The following GRM3 variants were observed in gnomAD, a reference collection of about 807,000 sequenced individuals.
GRM3 encodes metabotropic glutamate receptor 3.
A neutral mutation model predicts 70.5 loss-of-function variants in GRM3; 26 were observed. The observed-to-expected ratio is 0.37, with a 90% CI of 0.27 to 0.51. The LOEUF is 0.51. Among genes scored for constraint, GRM3 ranks in the 20% least tolerant of loss-of-function variants. The pLI is 0.93. For synonymous variants in GRM3, 443 were observed against 434.9 expected (o/e 1.02, Z -0.23); for missense variants, 859 against 1,123.8 (o/e 0.76, Z 3.37).
intron 1 of GRM3, among the ~76,000 whole-genome samples, chr7:86,720,760 G>T (rs544348935): frequency 8.6e-6 from 1 of 116,210 alleles, no homozygotes; most frequent in African/African-American, 3.3e-5. Flanking sequence ...CCTTAAATAC[G>T]TCCACTTAGA....
intron 5 of GRM3, among the ~76,000 whole-genome samples, chr7:86,855,298 G>A (rs1481760517): frequency 1.3e-5 from 2 of 152,170 alleles, no homozygotes; most frequent in African/African-American, 4.8e-5. Context: ...GAGTCATGCA[G>A]GTGAGAATAT....
intron 3 of GRM3, among the ~76,000 whole-genome samples, chr7:86,790,187 G>C (rs1184048273): frequency 1.3e-5 from 2 of 150,150 alleles, no homozygotes; most frequent in Non-Finnish European, 2.9e-5. Flanking sequence ...GTCTCTTTGA[G>C]ATCCAATTTA....
At chr7:86,683,726 G>C (rs1027773923) in intron 1 of GRM3, among the ~76,000 whole-genome samples, 1 of 152,096 alleles carries the variant, frequency 6.6e-6, no homozygotes, top group Non-Finnish European at 1.5e-5. Flanking sequence ...CCTTGAAGGA[G>C]GTCTTAAGAC....
At chr7:86,741,321 A>T (rs902873600) in intron 1 of GRM3, among the ~76,000 whole-genome samples, 5 of 152,172 alleles carry the variant, frequency 3.3e-5, no homozygotes, top group Non-Finnish European at 7.3e-5. Flanking sequence ...CTTCTAAAAA[A>T]CATTCAGTTT....
At chr7:86,827,114 T>C (rs1242763648) in intron 3 of GRM3, among the ~76,000 whole-genome samples, 1 of 152,224 alleles carries the variant, frequency 6.6e-6, no homozygotes, top group Non-Finnish European at 1.5e-5. Context: ...CAACATATTA[T>C]AGTCCATTTC....
chr7:86,738,816 T>C (rs1795921804), intron 1 of GRM3, among the ~76,000 whole-genome samples: 1 of 152,230 alleles, frequency 6.6e-6, no homozygotes, highest in African/African-American at 2.4e-5. Context: ...ACATATAGTT[T>C]TGAAATATAC....
intron 1 of GRM3, among the ~76,000 whole-genome samples, chr7:86,706,673 A>C (rs1350303444): frequency 6.6e-6 from 1 of 152,052 alleles, no homozygotes; most frequent in Non-Finnish European, 1.5e-5. Flanking sequence ...CAGTTGTTGA[A>C]TGAGGGAGAG....
rs534161511 is a variant in GRM3, at chr7:86,703,330, C to T, written c.-141+58458C>T. On this transcript the variant is annotated intron_variant, in intron 1 of 5. Transcript: ENST00000361669. ...CCTCAAAGAGGTGGGGGAACCTCCGCTGTATGAAATGTAGTGTGAAAGGTT... is the reference window on the plus strand; with the variant it reads ...CCTCAAAGAGGTGGGGGAACCTCCGTTGTATGAAATGTAGTGTGAAAGGTT... Among the ~76,000 whole-genome samples, 7 of 152,052 alleles carry T rather than the reference C, an allele frequency of 4.6e-5. No homozygotes were observed. The South Asian group carries it at 1.5e-3, about 32-fold the overall frequency.
At chr7:86,740,437 C>A (rs1244806666) in intron 1 of GRM3, among the ~76,000 whole-genome samples, 1 of 151,954 alleles carries the variant, frequency 6.6e-6, no homozygotes, top group Non-Finnish European at 1.5e-5. Context: ...GCAACCAAGT[C>A]AATTTAAAAA....
chr7:86,688,849 G>A (rs905772090), intron 1 of GRM3, among the ~76,000 whole-genome samples: 5 of 147,856 alleles, frequency 3.4e-5, no homozygotes, highest in Non-Finnish European at 7.5e-5. Context: ...GACTTTTTAA[G>A]GGTTTTAAAA....
chr7:86,709,120 T>G (rs1795133491), intron 1 of GRM3, among the ~76,000 whole-genome samples: 1 of 152,108 alleles, frequency 6.6e-6, no homozygotes, highest in Admixed American at 6.6e-5. Context: ...CTTGTTTGAG[T>G]GCATTTAAGT....
rs1584216931 is a variant in GRM3, at chr7:86,754,388, G to A, written c.-140-10618G>A. 2.0e-5 allele frequency among the ~76,000 whole-genome samples: 3 copies of A among 152,210 alleles called. No individual in the cohort carries two copies. In the East Asian group the frequency reaches 5.8e-4, roughly 29 times the overall value. On this transcript the variant is annotated intron_variant, in intron 1 of 5. Coordinates refer to ENST00000361669, the MANE Select transcript of GRM3 (RefSeq NM_000840.3). ...CTTGCATTAATGTGCCAAAACTGGT[G>A]GTTTAATATATCAGATGACTTGATT...
chr7:86,811,354 C>A (rs1797905249), intron 3 of GRM3, among the ~76,000 whole-genome samples: 1 of 151,702 alleles, frequency 6.6e-6, no homozygotes, highest in South Asian at 2.1e-4. Flanking sequence ...TAGACCAGCC[C>A]TAAAAGAAGC....
Position 86,644,805 on chromosome 7 carries a change from G to A in GRM3, c.-208G>A. The A allele has an allele frequency of 1.6e-6, 2 of 1,289,716 alleles. No individual in the cohort carries two copies. Among genetic ancestry groups the A allele is most frequent in the Middle Eastern group, 2.1e-4 (1 of 4,694 alleles). 79.9% of individuals were successfully genotyped at this position (1,289,716 alleles called of 1,614,324 possible). A position where few individuals can be genotyped will look rare whatever the true frequency, so the allele number is the denominator to read the frequency against. On this transcript the variant is annotated 5_prime_UTR_variant, in exon 1 of 6. It adds an upstream start codon to the 5' untranslated region. Transcript: ENST00000361669. ...GGACCAACCATGAGCCAGAGCCCGG[G>A]TGCAGGCTCACCGCCGCCGCTGCCA...
intron 4 of GRM3, 31 bp from the exon 5 acceptor site, chr7:86,850,339 C>G: frequency 6.4e-7 from 1 of 1,557,284 alleles, no homozygotes; most frequent in African/African-American, 1.4e-5. Context: ...AATGTACAGC[C>G]AGACACTTAC....
At chr7:86,816,288 CT>C (rs903025294) in intron 3 of GRM3, among the ~76,000 whole-genome samples, 117 of 151,088 alleles carry the variant, frequency 7.7e-4, no homozygotes, top group African/African-American at 2.8e-3. Flanking sequence ...GCGACAAGCA[CT>C]TTTTTTTTAA....
At chr7:86,742,824 C>T (rs973878170) in intron 1 of GRM3, among the ~76,000 whole-genome samples, 5 of 152,162 alleles carry the variant, frequency 3.3e-5, no homozygotes, top group African/African-American at 1.2e-4. Flanking sequence ...TAATTCTCCT[C>T]TGTGACATTT....
At chr7:86,682,761 T>G (rs750360253) in intron 1 of GRM3, among the ~76,000 whole-genome samples, 1 of 152,182 alleles carries the variant, frequency 6.6e-6, no homozygotes, top group Non-Finnish European at 1.5e-5. Context: ...TCTTGCAATG[T>G]GCCAGAGAAT....
chr7:86,708,958 CACAA>C (rs895202586), intron 1 of GRM3, among the ~76,000 whole-genome samples: 15 of 151,650 alleles, frequency 9.9e-5, no homozygotes, highest in Non-Finnish European at 1.6e-4. Flanking sequence ...CACACACACA[CACAA>C]ACAGAGTTAA....
Sources: gnomAD v4.1 joint callset for allele counts (sites outside exome capture counted in the v4.1 genomes callset) on GRCh38, gnomAD v4.1.1 for gene constraint, MANE v1.5 for transcripts, NCBI Gene and HGNC (gene_info 2026-07-23, HGNC 2026-07-21) for gene names.